Variants in IQGAP1 observed in about 807,000 individuals in gnomAD.
The protein encoded by IQGAP1 is ras GTPase-activating-like protein IQGAP1.
IQGAP1 carries 66 observed loss-of-function variants against 215.6 expected under a neutral mutation model. The observed-to-expected ratio is 0.31, with a 90% CI of 0.25 to 0.38. The LOEUF is 0.38. IQGAP1 is among the 10% of genes least tolerant of loss of function. The probability of loss-of-function intolerance (pLI) is 1.00; values close to 1 mark genes in which losing one functional copy is unlikely to be tolerated. For synonymous variants in IQGAP1, 772 were observed against 728.7 expected (o/e 1.06, Z -0.96); for missense variants, 1,712 against 1,997.1 (o/e 0.86, Z 2.72).
At chr15:90,465,124 T>C in intron 15 of IQGAP1, among the ~76,000 whole-genome samples, 1 of 152,216 alleles carries the variant, frequency 6.6e-6, no homozygotes, top group East Asian at 1.9e-4. Context: ...GAAAATTTGC[T>C]TTTAAGTTCC....
At chr15:90,445,756 A>G (rs956053095) in intron 9 of IQGAP1, among the ~76,000 whole-genome samples, 1 of 152,156 alleles carries the variant, frequency 6.6e-6, no homozygotes, top group African/African-American at 2.4e-5. Context: ...TCTCATTTGA[A>G]CTAATACTAA....
chr15:90,403,505 GA>G (rs1286431122), intron 2 of IQGAP1, among the ~76,000 whole-genome samples: 1 of 151,946 alleles, frequency 6.6e-6, no homozygotes, highest in Non-Finnish European at 1.5e-5. Context: ...ATATAACACT[GA>G]AAAAAAGTCT....
At chr15:90,391,257 G>T in intron 2 of IQGAP1, 1 of 165,722 alleles carries the variant, frequency 6.0e-6, no homozygotes, top group Non-Finnish European at 1.3e-5. Flanking sequence ...AAAAAGAAAA[G>T]ATTTATTTGA....
At position 90,482,188 on chromosome 15, in the gene IQGAP1, A is replaced by G; in HGVS notation, c.3471-9A>G. The G allele has an allele frequency of 1.2e-6, 2 of 1,614,242 alleles. No homozygotes were observed. The highest frequency in any genetic ancestry group is 1.1e-5 in the South Asian group (1 of 91,084). ...TGGCCCTTCTCACTAAGTTTTGTCC[A>G]TCCCGCAGTTATGGGATGCGCTTCA... On this transcript the variant is annotated splice_polypyrimidine_tract_variant and intron_variant, in intron 27 of 37. Transcript: ENST00000268182.
intron 37 of IQGAP1, among the ~76,000 whole-genome samples, chr15:90,498,903 G>A (rs1256278535): frequency 6.6e-6 from 1 of 151,600 alleles, no homozygotes; most frequent in African/African-American, 2.4e-5. Context: ...TCCGCCTCCT[G>A]GGTTCAAGTG....
intron 26 of IQGAP1, among the ~76,000 whole-genome samples, chr15:90,479,491 T>G (rs868706139): frequency 6.6e-6 from 1 of 151,228 alleles, no homozygotes; most frequent in Non-Finnish European, 1.5e-5. Context: ...TAATCCCAGC[T>G]CTTTGGGAGG....
intron 1 of IQGAP1, among the ~76,000 whole-genome samples, chr15:90,389,348 T>G (rs1453337726): frequency 6.6e-6 from 1 of 151,168 alleles, no homozygotes; most frequent in Non-Finnish European, 1.5e-5. Flanking sequence ...TGACTTTTTT[T>G]TTTTTTTTTT....
chr15:90,460,716 T>C (rs991635938), intron 15 of IQGAP1, among the ~76,000 whole-genome samples: 3 of 152,120 alleles, frequency 2.0e-5, no homozygotes, highest in African/African-American at 7.2e-5. Flanking sequence ...TTGAAAAAAC[T>C]GGCCGGGTGC....
intron 4 of IQGAP1, among the ~76,000 whole-genome samples, chr15:90,430,365 C>T (rs1419831266): frequency 3.3e-5 from 5 of 151,962 alleles, no homozygotes; most frequent in East Asian, 1.9e-4. Flanking sequence ...GTAAGAATTC[C>T]GCTTCTGGGA....
chr15:90,483,291 A>G, intron 28 of IQGAP1, 70 bp from the exon 29 acceptor site: 3 of 1,182,838 alleles, frequency 2.5e-6, no homozygotes, highest in Non-Finnish European at 3.7e-6. Flanking sequence ...TTTCTTTGCT[A>G]GCAAAGTCAT....
At chr15:90,487,128 C>A (rs750802645) in intron 32 of IQGAP1, 39 bp downstream of exon 32, 78 of 1,609,784 alleles carry the variant, frequency 4.8e-5, no homozygotes, top group Non-Finnish European at 6.6e-5. Flanking sequence ...TGAATGTAAT[C>A]TGAAGGTTTC....
Position 90,494,774 on chromosome 15 carries a change from A to G in IQGAP1, c.4690A>G (p.Thr1564Ala), listed in dbSNP as rs772061785. ...AAGCAAAAAGATTTCTCTGAAATAT[A>G]CAGCAGCAAGACTACATGAAAAAGG... Reference protein sequence around the residue: ...KKSKKISLKYTAARLHEKGVL... With the variant: ...KKSKKISLKYAAARLHEKGVL... The change falls in exon 36 of 38, where the codon ACA (threonine) becomes GCA (alanine). Residue 1564 changes from threonine (T) to alanine (A), a missense_variant. By Grantham distance (58) the Thr-to-Ala change is moderately conservative. This residue lies in a region of IQGAP1 where 691 missense variants were observed against 923.0 expected (regional missense o/e 0.75). Transcript: ENST00000268182. 1.9e-6 allele frequency: 3 copies of G among 1,608,888 alleles called. No homozygotes were observed. In the Admixed American group the frequency reaches 5.0e-5, roughly 27 times the overall value.
chr15:90,465,074 A>G (rs957475551), intron 15 of IQGAP1, among the ~76,000 whole-genome samples: 1 of 152,236 alleles, frequency 6.6e-6, no homozygotes, highest in African/African-American at 2.4e-5. Flanking sequence ...TGTTAGCTGT[A>G]CTAAGGAAAG....
chr15:90,450,627 T>C (rs1231414356), intron 11 of IQGAP1, among the ~76,000 whole-genome samples: 2 of 152,042 alleles, frequency 1.3e-5, no homozygotes, highest in African/African-American at 2.4e-5. Context: ...TTTTTGTCTT[T>C]GATAAAAGCC....
In IQGAP1 at chr15:90,473,955, C is replaced by T. The variant is rs753635565; in HGVS notation, c.2493C>T (p.Tyr831=). 3.1e-6 allele frequency: 5 copies of T among 1,614,030 alleles called. No individual in the cohort carries two copies. In the South Asian group the frequency reaches 4.4e-5, roughly 14 times the overall value. Residue 831 remains tyrosine, a synonymous_variant, in exon 21 of 38, where the codon TAC becomes TAT. Coordinates refer to ENST00000268182, the MANE Select transcript of IQGAP1 (RefSeq NM_003870.4). ...ARKRYRDRLQ[Y]FRDHINDIIK... ...AGCGCTATCGAGATCGCCTGCAGTA[C>T]TTCCGGGACCATGTAAGCACCCTTG...
intron 2 of IQGAP1, among the ~76,000 whole-genome samples, chr15:90,398,542 C>A (rs75793177): frequency 0.022 from 3,345 of 151,976 alleles, 81 homozygotes; most frequent in East Asian, 0.11. Flanking sequence ...ACAGATGTTC[C>A]TCGATTTAGG....
intron 2 of IQGAP1, among the ~76,000 whole-genome samples, chr15:90,392,643 A>G (rs1964651062): frequency 6.6e-6 from 1 of 152,072 alleles, no homozygotes; most frequent in African/African-American, 2.4e-5. Context: ...ACTACCAATA[A>G]CTAGTTCAAC....
intron 36 of IQGAP1, among the ~76,000 whole-genome samples, chr15:90,495,408 A>G (rs888887041): frequency 1.3e-5 from 2 of 152,164 alleles, no homozygotes; most frequent in African/African-American, 2.4e-5. Context: ...TTAAAAAAAG[A>G]ACCTTTTACA....
chr15:90,405,148 T>C (rs1297907062), intron 2 of IQGAP1, among the ~76,000 whole-genome samples: 2 of 152,216 alleles, frequency 1.3e-5, no homozygotes, highest in Non-Finnish European at 2.9e-5. Flanking sequence ...TTGAATCGTA[T>C]TTTACATTTT....
Sources: allele counts gnomAD v4.1 joint callset (sites outside exome capture counted in the v4.1 genomes callset), GRCh38; gene constraint gnomAD v4.1.1; regional missense constraint gnomAD v4.1.1; transcripts MANE v1.5; gene names NCBI Gene and HGNC (gene_info 2026-07-23, HGNC 2026-07-21).